Variants in HSD17B2 observed in about 807,000 individuals in gnomAD.
HSD17B2 encodes hydroxysteroid 17-beta dehydrogenase 2.
A neutral mutation model predicts 26.9 loss-of-function variants in HSD17B2; 32 were observed. That is an observed-to-expected ratio of 1.19 (90% CI 0.90 to 1.60). HSD17B2 has a LOEUF of 1.60. Ranked by LOEUF, HSD17B2 falls within the 40% of genes most tolerant of loss-of-function variation. The pLI is 0.00. For missense variants in HSD17B2, 613 were observed against 468.6 expected, an observed-to-expected ratio of 1.31 and a Z score of -2.85; for synonymous variants, 246 against 186.7, an observed-to-expected ratio of 1.32 and a Z score of -2.59.
chr16:82,081,556 T>C (rs1423290013), intron 3 of HSD17B2, among the ~76,000 whole-genome samples: 1 of 152,140 alleles, frequency 6.6e-6, no homozygotes, highest in Admixed American at 6.6e-5. Flanking sequence ...AGCTCCACTT[T>C]TGTCCCTGTA....
rs59886565 is a variant in HSD17B2 at position 82,075,456 on chromosome 16, G to GAGACTAAGAACA, written c.664+4357_664+4368dup. Among the ~76,000 whole-genome samples the GAGACTAAGAACA allele has an allele frequency of 3.4e-3, 523 of 152,108 alleles. 2 individuals carry two copies. Among genetic ancestry groups the GAGACTAAGAACA allele is most frequent in the Non-Finnish European group, 5.0e-3 (337 of 67,950 alleles). On this transcript the variant is annotated intron_variant, in intron 3 of 4. Transcript: ENST00000199936. ...TAAACAAAATTGACAAACTTTTAATGAGACTAAGAACAAGACTAAGAACAA... is the reference window on the plus strand; with the variant it reads ...TAAACAAAATTGACAAACTTTTAATGAGACTAAGAACAAGACTAAGAACAAGACTAAGAACAA...
chr16:82,036,536 T>C (rs1951014654), intron 1 of HSD17B2, among the ~76,000 whole-genome samples: 1 of 151,858 alleles, frequency 6.6e-6, no homozygotes, highest in Admixed American at 6.6e-5. Context: ...TTGGGGGAGA[T>C]CATCACCCCT....
rs8191053 is a variant in HSD17B2 at position 82,035,442 on chromosome 16, G to C, written c.18G>C (p.Ser6=). 1.6e-5 allele frequency: 25 copies of C among 1,611,816 alleles called. No individual in the cohort carries two copies. The Admixed American group carries it at 4.0e-4, about 26-fold the overall frequency. MSTFF[S]DTAWICLAVP... ...CACTGAGAATGAGCACTTTCTTCTC[G>C]GACACAGCATGGATCTGCCTGGCTG... is the stretch of plus-strand genomic sequence containing the variant. Residue 6 remains serine (S), a synonymous_variant, in exon 1 of 5, where the codon TCG becomes TCC. Coordinates refer to ENST00000199936, the MANE Select transcript of HSD17B2 (RefSeq NM_002153.3).
In HSD17B2 at chr16:82,055,744, T is replaced by C. The variant is rs568009176; in HGVS notation, c.266-12426T>C. On this transcript the variant is annotated intron_variant, in intron 1 of 4. Transcript: ENST00000199936. ...GAGCTGGGGAGAGATGTGGTAAGAA[T>C]GGAGCAGAAATGAGAAGCCTGGATT... Among the ~76,000 whole-genome samples the C allele has an allele frequency of 2.0e-5, 3 of 152,250 alleles. No individual in the cohort carries two copies. The South Asian group carries it at 6.2e-4, about 32-fold the overall frequency.
intron 3 of HSD17B2, among the ~76,000 whole-genome samples, chr16:82,074,468 T>A (rs1016838105): frequency 5.3e-5 from 8 of 152,126 alleles, no homozygotes; most frequent in African/African-American, 1.9e-4. Flanking sequence ...CGGGAGTTTG[T>A]GTAAAGACAG....
chr16:82,043,555 G>T (rs1913827642), intron 1 of HSD17B2, among the ~76,000 whole-genome samples: 1 of 141,856 alleles, frequency 7.0e-6, no homozygotes, highest in Non-Finnish European at 1.5e-5. Flanking sequence ...GCCGTGGCAG[G>T]CGCCTGTAGT....
intron 1 of HSD17B2, among the ~76,000 whole-genome samples, chr16:82,067,615 C>A (rs1382789619): frequency 1.3e-5 from 2 of 152,176 alleles, no homozygotes; most frequent in Non-Finnish European, 2.9e-5. Context: ...TCAGGGCAGA[C>A]CATGGATAGG....
At chr16:82,077,094 A>C (rs1904306436) in intron 3 of HSD17B2, among the ~76,000 whole-genome samples, 1 of 152,240 alleles carries the variant, frequency 6.6e-6, no homozygotes, top group South Asian at 2.1e-4. Flanking sequence ...ATACTATTCA[A>C]GGAAATCTAT....
intron 2 of HSD17B2, among the ~76,000 whole-genome samples, chr16:82,070,024 A>T (rs1226244901): frequency 6.6e-6 from 1 of 152,170 alleles, no homozygotes; most frequent in Non-Finnish European, 1.5e-5. Context: ...AATAACTCCC[A>T]AATCTATTAC....
intron 3 of HSD17B2, among the ~76,000 whole-genome samples, chr16:82,078,651 T>C (rs1904317098): frequency 6.6e-6 from 1 of 152,126 alleles, no homozygotes; most frequent in African/African-American, 2.4e-5. Context: ...ATAAAGAAAA[T>C]GTGGTACATA....
intron 1 of HSD17B2, among the ~76,000 whole-genome samples, chr16:82,057,002 A>G (rs1411162844): frequency 2.6e-5 from 4 of 152,250 alleles, no homozygotes; most frequent in Admixed American, 6.5e-5. Flanking sequence ...TAGAAGAGTT[A>G]GAGCAACACA....
At chr16:82,057,240 C>A in intron 1 of HSD17B2, among the ~76,000 whole-genome samples, 1 of 151,618 alleles carries the variant, frequency 6.6e-6, no homozygotes. Flanking sequence ...CCCTCCGTCA[C>A]CAGGCTAGAG....
chr16:82,044,977 G>T (rs1913876908), intron 1 of HSD17B2, among the ~76,000 whole-genome samples: 1 of 152,006 alleles, frequency 6.6e-6, no homozygotes, highest in African/African-American at 2.4e-5. Context: ...AATTATTAGG[G>T]CATGGTGGTG....
intron 1 of HSD17B2, among the ~76,000 whole-genome samples, chr16:82,054,586 C>G (rs1914209473): frequency 6.6e-6 from 1 of 152,162 alleles, no homozygotes; most frequent in Admixed American, 6.5e-5. Context: ...CTCAAGTTAT[C>G]CACCTGCCCC....
intron 3 of HSD17B2, among the ~76,000 whole-genome samples, chr16:82,085,514 G>C (rs1011062657): frequency 3.9e-5 from 6 of 152,024 alleles, no homozygotes; most frequent in Admixed American, 3.9e-4. Context: ...TTTACTCCAA[G>C]TACTATGTGC....
At chr16:82,057,449 G>A (rs1186823255) in intron 1 of HSD17B2, among the ~76,000 whole-genome samples, 5 of 152,094 alleles carry the variant, frequency 3.3e-5, no homozygotes, top group Admixed American at 6.5e-5. Flanking sequence ...CACCCGCTTC[G>A]GCCTCCCAAA....
chr16:82,096,625 A>T (rs982020546), intron 4 of HSD17B2: 1 of 151,992 alleles, frequency 6.6e-6, no homozygotes, highest in South Asian at 2.1e-4. Flanking sequence ...TATACAGTAT[A>T]TATTATATTG....
intron 1 of HSD17B2, among the ~76,000 whole-genome samples, chr16:82,049,626 A>G (rs1914044701): frequency 1.3e-5 from 2 of 152,234 alleles, no homozygotes; most frequent in Admixed American, 1.3e-4. Context: ...AAAGAGAGGA[A>G]ACAGCCCTGG....
chr16:82,068,118 T>C, intron 1 of HSD17B2, 52 bp from the exon 2 acceptor site: 1 of 1,440,220 alleles, frequency 6.9e-7, no homozygotes, highest in Non-Finnish European at 9.8e-7. Flanking sequence ...TTAAATATTT[T>C]CTCCTGTCAC....
Sources: gnomAD v4.1 joint callset for allele counts (sites outside exome capture counted in the v4.1 genomes callset) on GRCh38, gnomAD v4.1.1 for gene constraint, MANE v1.5 for transcripts, NCBI Gene and HGNC (gene_info 2026-07-23, HGNC 2026-07-21) for gene names.